The following ZFYVE21 variants were observed in gnomAD, a reference collection of about 807,000 sequenced individuals.
The protein encoded by ZFYVE21 is zinc finger FYVE-type containing 21, also known as zinc finger FYVE domain-containing protein 21.
A neutral mutation model predicts 29.5 loss-of-function variants in ZFYVE21; 21 were observed. The observed-to-expected ratio is 0.71, with a 90% CI of 0.50 to 1.02. The LOEUF is 1.02. Ranked by LOEUF, ZFYVE21 falls within the 50% of genes least tolerant of loss-of-function variation. The pLI is 0.00. For missense variants in ZFYVE21, 326 were observed against 335.4 expected, an observed-to-expected ratio of 0.97 and a Z score of 0.22; for synonymous variants, 151 against 133.8, an observed-to-expected ratio of 1.13 and a Z score of -0.89.
Position 103,728,953 on chromosome 14 carries a change from C to A in ZFYVE21, c.404C>A (p.Thr135Asn). The part of the protein sequence containing the change: ...VTFGNSEKPE[T>N]MTCRLSNNQR... ...TTTGGAAACTCAGAGAAACCTGAAA[C>A]TATGACTTGTCGTCTTTCCAATAAC... is the stretch of plus-strand genomic sequence containing the variant. The change falls in exon 4 of 7, where the codon ACT becomes AAT. Residue 135 changes from threonine to asparagine, a missense_variant. Physicochemically the swap from Thr to Asn is moderately conservative, Grantham distance 65. Transcript: ENST00000311141. 1.9e-6 allele frequency: 3 copies of A among 1,614,086 alleles called. No homozygotes were observed. Among genetic ancestry groups the A allele is most frequent in the Non-Finnish European group, 2.5e-6 (3 of 1,180,030 alleles).
At chr14:103,732,863 A>T in intron 6 of ZFYVE21, 101 bp downstream of exon 6, 1 of 1,601,298 alleles carries the variant, frequency 6.2e-7, no homozygotes, top group Non-Finnish European at 8.5e-7. Flanking sequence ...CCCTATCCCC[A>T]CAACCTGTTC....
In ZFYVE21 at chr14:103,732,652, C is replaced by T; in HGVS notation, c.559C>T (p.Gln187Ter). Residue 187 changes from glutamine (Q) to a stop codon, truncating the protein, a stop_gained, in exon 6 of 7, where the codon CAG (glutamine) becomes TAG (stop). Transcript: ENST00000311141. LOFTEE classifies it high-confidence loss of function. Reference protein sequence around the residue: ...GNARATGMFLQYTVPGTEGVT... With the variant: ...GNARATGMFL ...CGCACGGGCCACAGGCATGTTCCTG[C>T]AGTATACAGTGCCGGGGACGGAGGG... 1 of 1,607,130 alleles carries T rather than the reference C, an allele frequency of 6.2e-7. No individual in the cohort carries two copies. The highest frequency in any genetic ancestry group is 8.5e-7 in the Non-Finnish European group (1 of 1,177,794).
chr14:103,724,923 C>G (rs551861906), intron 1 of ZFYVE21: 1 of 152,410 alleles, frequency 6.6e-6, no homozygotes, highest in South Asian at 2.1e-4. Context: ...CCCGCAGCCC[C>G]CAATGCGCTG....
intron 5 of ZFYVE21, 155 bp downstream of exon 5, chr14:103,729,337 G>T: frequency 2.9e-6 from 2 of 699,912 alleles, no homozygotes. Flanking sequence ...CGCGGGGCGT[G>T]TATTTACTCA....
intron 5 of ZFYVE21, 141 bp downstream of exon 5, chr14:103,729,323 C>CT: frequency 1.3e-6 from 1 of 797,738 alleles, no homozygotes; most frequent in South Asian, 1.8e-5. Flanking sequence ...TGCCTTTCCT[C>CT]TTTCGCGGGG....
chr14:103,730,207 C>G (rs981864563), intron 5 of ZFYVE21: 5 of 269,640 alleles, frequency 1.9e-5, no homozygotes, highest in Admixed American at 5.2e-5. Context: ...CTGCTGCTCC[C>G]CAGCTCAGTG....
At chr14:103,717,721 G>A (rs1255000481) in intron 1 of ZFYVE21, among the ~76,000 whole-genome samples, 1 of 152,174 alleles carries the variant, frequency 6.6e-6, no homozygotes, top group East Asian at 1.9e-4. Flanking sequence ...CCCCTCCAGA[G>A]CCCCCCACCA....
At chr14:103,723,823 C>T (rs1302034264) in intron 1 of ZFYVE21, among the ~76,000 whole-genome samples, 1 of 152,202 alleles carries the variant, frequency 6.6e-6, no homozygotes, top group African/African-American at 2.4e-5. Context: ...GTCTCCGAGC[C>T]CCCTGTGGAG....
rs2083997767 is a variant in ZFYVE21, at chr14:103,732,851, C to T, written c.669+89C>T. The T allele has an allele frequency of 3.8e-6, 6 of 1,597,610 alleles. No individual in the cohort carries two copies. In the African/African-American group the frequency reaches 6.7e-5, roughly 18 times the overall value. On this transcript the variant is annotated intron_variant, in intron 6 of 6. Transcript: ENST00000311141. ...AGGAAGCTCTGTGTCCTGCCATTTG[C>T]CCCCTATCCCCACAACCTGTTCCCC... is the stretch of plus-strand genomic sequence containing the variant.
At chr14:103,726,704 C>T in intron 1 of ZFYVE21, 88 bp from the exon 2 acceptor site, 1 of 1,544,080 alleles carries the variant, frequency 6.5e-7, no homozygotes, top group Admixed American at 1.7e-5. Context: ...GGTGGCAGGG[C>T]CCAGCTTTCT....
intron 1 of ZFYVE21, among the ~76,000 whole-genome samples, chr14:103,723,613 C>T (rs1047841931): frequency 1.3e-5 from 2 of 152,150 alleles, no homozygotes; most frequent in Non-Finnish European, 2.9e-5. Flanking sequence ...TGGGTCGCGA[C>T]GGGCCAGTCC....
At position 103,715,833 on chromosome 14, in the gene ZFYVE21, G is replaced by C; in HGVS notation, c.-9G>C. The C allele has an allele frequency of 7.2e-7, 1 of 1,393,062 alleles. No individual in the cohort carries two copies. The highest frequency in any genetic ancestry group is 9.4e-7 in the Non-Finnish European group (1 of 1,066,384). The allele number at this position is 1,393,062 out of a possible 1,614,324, so 86.3% of individuals were successfully genotyped here. A position where few individuals can be genotyped will look rare whatever the true frequency, so the allele number is the denominator to read the frequency against. ...GCGGGGCCGCTGGCCGAGAGGCTGA[G>C]GCGGCGTCATGTCCTCCGAGGTGTC... On this transcript the variant is annotated 5_prime_UTR_variant, in exon 1 of 7. Transcript: ENST00000311141.
intron 3 of ZFYVE21, 185 bp downstream of exon 3, chr14:103,728,099 C>G: frequency 1.6e-6 from 1 of 627,446 alleles, no homozygotes; most frequent in Non-Finnish European, 2.6e-6. Context: ...TTTTCAGAGG[C>G]GGAATGTCGT....
intron 2 of ZFYVE21, 145 bp downstream of exon 2, chr14:103,726,987 C>T: frequency 1.3e-6 from 1 of 797,606 alleles, no homozygotes; most frequent in Non-Finnish European, 1.9e-6. Flanking sequence ...CTCTTGTCGC[C>T]CAGGCTGGAG....
In ZFYVE21 at chr14:103,716,034, G is replaced by GGCCCC; in HGVS notation, c.138+58_138+62dup. ...CCGACCCGCCCCGCCGCCCCGGCCC[G>GGCCCC]GCCCCGCGGGCTTCCAGGCTCCCGC... On this transcript the variant is annotated intron_variant, in intron 1 of 6. Coordinates refer to ENST00000311141, the MANE Select transcript of ZFYVE21 (RefSeq NM_024071.4). The surrounding 1 kb of genome is among the most constrained non-coding windows in gnomAD (Gnocchi z 4.8). 1 of 1,177,538 alleles carries GGCCCC rather than the reference G, an allele frequency of 8.5e-7. No homozygotes were observed. The highest frequency in any genetic ancestry group is 1.1e-6 in the Non-Finnish European group (1 of 951,076). The allele number at this position is 1,177,538 out of a possible 1,614,324, so 72.9% of individuals were successfully genotyped here.
Position 103,716,506 on chromosome 14 carries a change from G to A in ZFYVE21, c.138+527G>A, listed in dbSNP as rs2083816112. ...GTGCCGCGGGCGGGTGGCCGGTTCC[G>A]AAGCCACCTCCTGCTCGGAAGGAGG... On this transcript the variant is annotated intron_variant, in intron 1 of 6. Transcript: ENST00000311141. This position sits in a 1 kb window ranked among gnomAD's most constrained non-coding sequence, Gnocchi z 4.8. Among the ~76,000 whole-genome samples the A allele has an allele frequency of 1.3e-5, 2 of 152,226 alleles. No homozygotes were observed. The highest frequency in any genetic ancestry group is 2.9e-5 in the Non-Finnish European group (2 of 68,030).
At chr14:103,726,496 G>C (rs1223689187) in intron 1 of ZFYVE21, 1 of 370,830 alleles carries the variant, frequency 2.7e-6, no homozygotes, top group Non-Finnish European at 5.0e-6. Context: ...GACCTGAAGT[G>C]CCAGGATGCA....
chr14:103,718,786 C>T (rs2083849500), intron 1 of ZFYVE21, among the ~76,000 whole-genome samples: 2 of 152,188 alleles, frequency 1.3e-5, no homozygotes, highest in African/African-American at 4.8e-5. Context: ...GTGGTGCTGG[C>T]AGAAGAATGA....
intron 5 of ZFYVE21, chr14:103,730,237 A>C: frequency 1.4e-5 from 3 of 215,398 alleles, no homozygotes; most frequent in East Asian, 1.2e-4. Context: ...GGGACCCCTG[A>C]CTCTCCTGGC....
Sources: allele counts gnomAD v4.1 joint callset (sites outside exome capture counted in the v4.1 genomes callset), GRCh38; gene constraint gnomAD v4.1.1; non-coding constraint Gnocchi (gnomAD v3.1); transcripts MANE v1.5; gene names NCBI Gene and HGNC (gene_info 2026-07-23, HGNC 2026-07-21).